The following CDH8 variants were observed in gnomAD, a reference collection of about 807,000 sequenced individuals.
The protein encoded by CDH8 is cadherin-8.
CDH8 carries 17 observed loss-of-function variants against 68.1 expected under a neutral mutation model. The ratio of observed to expected loss-of-function variants is 0.25; its 90% CI spans 0.17 to 0.37. The LOEUF is 0.37. Among genes scored for constraint, CDH8 ranks in the 10% least tolerant of loss-of-function variants. The pLI, the probability that CDH8 is intolerant of heterozygous loss-of-function variation, is 1.00. For synonymous variants in CDH8, 372 were observed against 365.1 expected (o/e 1.02, Z -0.21); for missense variants, 763 against 999.3 (o/e 0.76, Z 3.19).
At chr16:61,841,839 T>C (rs1395242460) in intron 4 of CDH8, among the ~76,000 whole-genome samples, 1 of 152,028 alleles carries the variant, frequency 6.6e-6, no homozygotes. Context: ...ACAATAAAAA[T>C]TTAAAAAATG....
intron 2 of CDH8, among the ~76,000 whole-genome samples, chr16:61,951,555 A>G (rs1250948979): frequency 1.3e-5 from 2 of 150,528 alleles, no homozygotes; most frequent in African/African-American, 4.9e-5. Flanking sequence ...TTCTTTTTGT[A>G]TATGACAAAA....
intron 4 of CDH8, among the ~76,000 whole-genome samples, chr16:61,836,174 A>G (rs771750610): frequency 6.6e-6 from 1 of 151,992 alleles, no homozygotes; most frequent in Non-Finnish European, 1.5e-5. Context: ...GATCAATCAG[A>G]CATGATCAAT....
intron 2 of CDH8, among the ~76,000 whole-genome samples, chr16:61,914,388 G>T (rs888083292): frequency 6.6e-6 from 1 of 152,198 alleles, no homozygotes; most frequent in Non-Finnish European, 1.5e-5. Flanking sequence ...GATTCTAGGT[G>T]TGGTAGGTGG....
intron 8 of CDH8, among the ~76,000 whole-genome samples, chr16:61,759,813 A>T (rs1368815271): frequency 6.6e-6 from 1 of 152,120 alleles, no homozygotes; most frequent in Admixed American, 6.5e-5. Context: ...ATTATTTAAT[A>T]CTCCTCTCAT....
chr16:61,681,322 C>A (rs1964008828), intron 10 of CDH8, among the ~76,000 whole-genome samples: 1 of 151,860 alleles, frequency 6.6e-6, no homozygotes, highest in African/African-American at 2.4e-5. Context: ...CCTATCCACA[C>A]AATGCAATAC....
At chr16:61,762,760 G>C (rs1338634832) in intron 8 of CDH8, among the ~76,000 whole-genome samples, 2 of 152,152 alleles carry the variant, frequency 1.3e-5, no homozygotes, top group African/African-American at 4.8e-5. Context: ...AGTATTAAAT[G>C]TGTATTATAT....
intron 4 of CDH8, among the ~76,000 whole-genome samples, chr16:61,847,053 G>A (rs1962821302): frequency 4.6e-5 from 7 of 152,056 alleles, no homozygotes; most frequent in Admixed American, 4.6e-4. Flanking sequence ...TTTTTAGAAA[G>A]CATCCATTTT....
rs1596999317 is a variant in CDH8 at position 61,825,097 on chromosome 16, A to G, written c.750T>C (p.Gly250=). Residue 250 remains glycine (G), a synonymous_variant, in exon 5 of 12, where the codon GGT becomes GGC. Coordinates refer to ENST00000577390, the MANE Select transcript of CDH8 (RefSeq NM_001796.5). ...YLVVIQAKDM[G]GHSGGLSGTT... is the part of the protein sequence containing the mutation. Reference sequence around the variant, plus strand: ...TCCCAGACAGGCCACCAGAGTGTCCACCCATATCTTTGGCTTGGATAACAA... The same window carrying G: ...TCCCAGACAGGCCACCAGAGTGTCCGCCCATATCTTTGGCTTGGATAACAA... 6.2e-7 allele frequency: 1 copy of G among 1,611,866 alleles called. No homozygotes were observed. Among genetic ancestry groups the G allele is most frequent in the Non-Finnish European group, 8.5e-7 (1 of 1,178,540 alleles).
At chr16:61,763,434 C>T (rs548679451) in intron 8 of CDH8, among the ~76,000 whole-genome samples, 26 of 152,166 alleles carry the variant, frequency 1.7e-4, no homozygotes, top group Non-Finnish European at 2.9e-4. Flanking sequence ...TCCTCCTTCG[C>T]AAAGCATCCC....
chr16:61,960,011 T>TATATATATATAG (rs1312296711), intron 2 of CDH8, among the ~76,000 whole-genome samples: 1 of 82,452 alleles, frequency 1.2e-5, no homozygotes, highest in Non-Finnish European at 2.1e-5. Context: ...TATATATATA[T>TATATATATATAG]ATATACACAC....
chr16:61,945,255 T>C (rs1964782891), intron 2 of CDH8, among the ~76,000 whole-genome samples: 2 of 152,096 alleles, frequency 1.3e-5, no homozygotes, highest in Non-Finnish European at 2.9e-5. Context: ...TTAAATGCAA[T>C]GGTAAATGAG....
chr16:61,684,011 G>A (rs1964058529), intron 10 of CDH8, among the ~76,000 whole-genome samples: 1 of 151,948 alleles, frequency 6.6e-6, no homozygotes, highest in Admixed American at 6.6e-5. Context: ...CATTTTTGAG[G>A]ATACCTTCCC....
At chr16:61,880,530 T>C (rs980296269) in intron 3 of CDH8, among the ~76,000 whole-genome samples, 2 of 151,996 alleles carry the variant, frequency 1.3e-5, no homozygotes, top group African/African-American at 4.8e-5. Flanking sequence ...GTATGGAGAG[T>C]GGACAGAGGT....
chr16:61,949,788 C>T (rs1026341309), intron 2 of CDH8, among the ~76,000 whole-genome samples: 1 of 152,026 alleles, frequency 6.6e-6, no homozygotes, highest in Non-Finnish European at 1.5e-5. Context: ...TCGAGACCAA[C>T]CTGGGCAACA....
intron 2 of CDH8, among the ~76,000 whole-genome samples, chr16:61,957,538 T>C (rs1965007182): frequency 6.6e-6 from 1 of 152,154 alleles, no homozygotes; most frequent in African/African-American, 2.4e-5. Context: ...GGGCAGGATA[T>C]AGGATGGAAA....
intron 1 of CDH8, among the ~76,000 whole-genome samples, chr16:62,024,664 TA>T (rs1902153940): frequency 6.6e-6 from 1 of 152,116 alleles, no homozygotes; most frequent in South Asian, 2.1e-4. Context: ...GTAGGTTAAT[TA>T]AAAAGGGGAT....
intron 10 of CDH8, among the ~76,000 whole-genome samples, chr16:61,663,970 T>TC (rs1369631610): frequency 6.6e-6 from 1 of 152,036 alleles, no homozygotes; most frequent in African/African-American, 2.4e-5. Flanking sequence ...TTGAGTTTCT[T>TC]CCCCCAAGGT....
intron 2 of CDH8, among the ~76,000 whole-genome samples, chr16:61,954,652 G>A (rs1427283170): frequency 6.9e-6 from 1 of 145,848 alleles, no homozygotes; most frequent in Non-Finnish European, 1.5e-5. Flanking sequence ...AGTGAGCCGA[G>A]ATTGGGCCAC....
chr16:61,832,475 A>C (rs1962482165), intron 4 of CDH8, among the ~76,000 whole-genome samples: 1 of 151,730 alleles, frequency 6.6e-6, no homozygotes, highest in South Asian at 2.1e-4. Flanking sequence ...CCTCTTATAC[A>C]TTTCTGGTGC....
Sources: allele counts gnomAD v4.1 joint callset (sites outside exome capture counted in the v4.1 genomes callset), GRCh38; gene constraint gnomAD v4.1.1; transcripts MANE v1.5; gene names NCBI Gene and HGNC (gene_info 2026-07-23, HGNC 2026-07-21).